Variants in TTC21B observed in about 807,000 individuals in gnomAD.
TTC21B encodes the protein tetratricopeptide repeat domain 21B, also known as tetratricopeptide repeat protein 21B.
Under a neutral mutation model 175.1 loss-of-function variants are expected in TTC21B, and 127 were observed. The observed-to-expected ratio is 0.73, with a 90% confidence interval of 0.63 to 0.84. The LOEUF is 0.84. Ranked by LOEUF, TTC21B falls within the 40% of genes least tolerant of loss-of-function variation. The pLI, the probability that TTC21B is intolerant of heterozygous loss-of-function variation, is 0.00. For missense variants in TTC21B, 1,561 were observed against 1,558.3 expected (o/e 1.00, Z -0.03); for synonymous variants, 524 against 524.5 (o/e 1.00, Z 0.01).
intron 19 of TTC21B, among the ~76,000 whole-genome samples, chr2:165,907,326 T>A (rs1368984944): frequency 6.6e-6 from 1 of 151,422 alleles, no homozygotes; most frequent in Non-Finnish European, 1.5e-5. Context: ...GTGTAAAACC[T>A]CTACACTGAG....
Position 165,901,772 on chromosome 2 carries a change from C to T in TTC21B, c.2707G>A (p.Ala903Thr). Residue 903 changes from alanine to threonine, a missense_variant, in exon 20 of 29, where the codon GCA (alanine) becomes ACA (threonine). Ala to Thr is a moderately conservative substitution (Grantham distance 58, BLOSUM62 0). Coordinates refer to ENST00000243344, the MANE Select transcript of TTC21B (RefSeq NM_024753.5). Reference protein sequence around the residue: ...HSVAQRDYEKAIKFYREALVH... With the variant: ...HSVAQRDYEKTIKFYREALVH... ...AGAGCCTCTCTATAAAACTTAATTG[C>T]TTTTTCATAGTCTCGCTGAGCAACA... 1 of 1,614,128 alleles carries T rather than the reference C, an allele frequency of 6.2e-7. No individual in the cohort carries two copies. Among genetic ancestry groups the T allele is most frequent in the East Asian group, 2.2e-5 (1 of 44,864 alleles).
chr2:165,881,834 C>T (rs975111576), intron 26 of TTC21B, among the ~76,000 whole-genome samples: 4 of 152,046 alleles, frequency 2.6e-5, no homozygotes, highest in African/African-American at 9.7e-5. Context: ...AAAATCACTA[C>T]ATTTAAGACT....
rs1685158973 is a variant in TTC21B at position 165,890,721 on chromosome 2, A to G, written c.3102-81T>C. 21 of 1,548,980 alleles carry G rather than the reference A, an allele frequency of 1.4e-5. No individual in the cohort carries two copies. The South Asian group carries it at 2.4e-4, about 18-fold the overall frequency. ...TTAGTTTATAATCTGTCTGGTAAAT[A>G]AAACTGTTGAATTATTTTGAAATGT... is the stretch of plus-strand genomic sequence containing the variant. On this transcript the variant is annotated intron_variant, in intron 23 of 28. Transcript: ENST00000243344.
At chr2:165,922,655 C>T (rs1342282825) in intron 12 of TTC21B, among the ~76,000 whole-genome samples, 3 of 150,938 alleles carry the variant, frequency 2.0e-5, no homozygotes, top group Admixed American at 6.6e-5. Context: ...TTAGTACAAC[C>T]TCTTTGGAAA....
At chr2:165,946,659 G>A (rs952700718) in intron 3 of TTC21B, among the ~76,000 whole-genome samples, 6 of 151,986 alleles carry the variant, frequency 3.9e-5, no homozygotes, top group African/African-American at 7.3e-5. Context: ...CCAACATGGC[G>A]AAACTCCATC....
At chr2:165,944,061 C>T (rs934410068) in intron 4 of TTC21B, among the ~76,000 whole-genome samples, 56 of 152,032 alleles carry the variant, frequency 3.7e-4, no homozygotes, top group Non-Finnish European at 7.5e-4. Flanking sequence ...TATTTACCTC[C>T]CTGTATTTCA....
intron 11 of TTC21B, among the ~76,000 whole-genome samples, chr2:165,926,732 G>T (rs1686643417): frequency 1.3e-5 from 2 of 151,862 alleles, no homozygotes; most frequent in African/African-American, 4.8e-5. Flanking sequence ...CTAATCAGCT[G>T]CCAGCATGGC....
At chr2:165,920,745 C>CTAAATATTTAAAATATTTTAAAATATTT (rs1686360045) in intron 12 of TTC21B, among the ~76,000 whole-genome samples, 1 of 135,938 alleles carries the variant, frequency 7.4e-6, no homozygotes, top group Non-Finnish European at 1.6e-5. Context: ...GGGTAGGATA[C>CTAAATATTTAAAATATTTTAAAATATTT]TAAATATTTA....
chr2:165,878,192 A>T (rs1269541776), intron 27 of TTC21B, among the ~76,000 whole-genome samples: 1 of 152,236 alleles, frequency 6.6e-6, no homozygotes, highest in Non-Finnish European at 1.5e-5. Context: ...CATTCACTAT[A>T]TTATAATCAC....
chr2:165,947,181 T>TATATACTTGATATATATATACATA lies in TTC21B; in HGVS notation c.263-1492_263-1491insTATGTATATATATATCAAGTATAT, dbSNP rs1333947724. 18 of 112,352 alleles carry TATATACTTGATATATATATACATA rather than the reference T, an allele frequency of 1.6e-4. 2 individuals are homozygous for TATATACTTGATATATATATACATA. Among genetic ancestry groups the TATATACTTGATATATATATACATA allele is most frequent in the Non-Finnish European group, 2.1e-4 (11 of 51,268 alleles). 7.0% of individuals were successfully genotyped at this position (112,352 alleles called of 1,614,324 possible). On this transcript the variant is annotated intron_variant, in intron 3 of 28. Transcript: ENST00000243344. Reference sequence around the variant, plus strand: ...CTCTCCCCTCCCCCATATATATATATATATATATATATTAGTATCTGCTTA... The same window carrying TATATACTTGATATATATATACATA: ...CTCTCCCCTCCCCCATATATATATATATATACTTGATATATATATACATAATATATATATATTAGTATCTGCTTA...
At chr2:165,933,197 G>T in intron 6 of TTC21B, 140 bp from the exon 7 acceptor site, 1 of 642,916 alleles carries the variant, frequency 1.6e-6, no homozygotes, top group Non-Finnish European at 2.7e-6. Flanking sequence ...CATCTGCTTT[G>T]TGAAAATTAT....
Position 165,945,620 on chromosome 2 carries a change from T to C in TTC21B, c.333A>G (p.Leu111=). 1 of 1,613,754 alleles carries C rather than the reference T, an allele frequency of 6.2e-7. No individual in the cohort carries two copies. Among genetic ancestry groups the C allele is most frequent in the Non-Finnish European group, 8.5e-7 (1 of 1,179,864 alleles). The part of the protein sequence containing the change: ...EQRKGAGEKA[L]YHAGLFLWHI... ...GCCATAAAAATAAGCCTGCATGGTATAAGGCTTTCTCTCCAGCTCCTTTAC... is the reference window on the plus strand; with the variant it reads ...GCCATAAAAATAAGCCTGCATGGTACAAGGCTTTCTCTCCAGCTCCTTTAC... The change falls in exon 4 of 29, where the codon TTA becomes TTG. Residue 111 remains leucine, a synonymous_variant. Transcript: ENST00000243344.
At position 165,932,988 on chromosome 2, in the gene TTC21B, C is replaced by G. The variant is rs1235827816; in HGVS notation, c.780G>C (p.Glu260Asp). The change falls in exon 7 of 29, where the codon GAG (glutamate) becomes GAC (aspartate). Residue 260 changes from glutamate to aspartate, a missense_variant. Transcript: ENST00000243344. ...TGCCACTTACCTTCTCTATATCCCC[C>G]TCTCTACACACATAGTAGAGTGCCT... The part of the protein sequence containing the change: ...RMQALYYVCR[E>D]GDIEKASTKL... 1 of 1,613,038 alleles carries G rather than the reference C, an allele frequency of 6.2e-7. No homozygotes were observed. The highest frequency in any genetic ancestry group is 1.7e-5 in the Admixed American group (1 of 59,996).
intron 26 of TTC21B, among the ~76,000 whole-genome samples, chr2:165,882,728 G>A (rs1192875574): frequency 1.3e-5 from 2 of 152,156 alleles, no homozygotes; most frequent in Admixed American, 1.3e-4. Flanking sequence ...AGGGCTGAAT[G>A]AAGCTTCTAA....
In TTC21B at chr2:165,895,386, T is replaced by C. The variant is rs1206798541; in HGVS notation, c.2950+3300A>G. Among the ~76,000 whole-genome samples, 12 of 152,304 alleles carry C rather than the reference T, an allele frequency of 7.9e-5. No homozygotes were observed. In the South Asian group the frequency reaches 1.0e-3, roughly 13 times the overall value. On this transcript the variant is annotated intron_variant, in intron 22 of 28. Coordinates refer to ENST00000243344, the MANE Select transcript of TTC21B (RefSeq NM_024753.5). ...CGTGAAACAAAACCCACAAGACACA[T>C]GAAGACTTCTTCAAATCTTAGAAAA...
At chr2:165,923,642 CCAT>C (rs1686505044) in intron 12 of TTC21B, among the ~76,000 whole-genome samples, 1 of 151,646 alleles carries the variant, frequency 6.6e-6, no homozygotes, top group Non-Finnish European at 1.5e-5. Context: ...CAGGATTTCA[CCAT>C]GTTAGCCAGG....
intron 14 of TTC21B, 116 bp from the exon 15 acceptor site, chr2:165,915,555 C>T (rs941374298): frequency 3.8e-5 from 36 of 936,094 alleles, no homozygotes; most frequent in South Asian, 2.2e-4. Context: ...ATAATATTTA[C>T]GAAATAAATT....
rs374179281 is a variant in TTC21B at position 165,912,541 on chromosome 2, T to C, written c.2295A>G (p.Ala765=). 1.2e-6 allele frequency: 2 copies of C among 1,614,122 alleles called. No homozygotes were observed. Among genetic ancestry groups the C allele is most frequent in the African/African-American group, 1.3e-5 (1 of 75,060 alleles). Residue 765 remains alanine, a synonymous_variant, in exon 17 of 29, where the codon GCA becomes GCG. Transcript: ENST00000243344. ...DGTLASKMGK[A]LIKTHNYSMA... is the part of the protein sequence containing the mutation. ...TTGAGTAGTTATGAGTTTTGATAAGTGCTTTGCCCATTTTGCTTGCCAATG... is the reference window on the plus strand; with the variant it reads ...TTGAGTAGTTATGAGTTTTGATAAGCGCTTTGCCCATTTTGCTTGCCAATG...
intron 23 of TTC21B, 75 bp from the exon 24 acceptor site, chr2:165,890,715 G>A: frequency 6.4e-7 from 1 of 1,552,010 alleles, no homozygotes; most frequent in Non-Finnish European, 8.9e-7. Flanking sequence ...AATCTGTCTG[G>A]TAAATAAAAC....
Sources: allele counts gnomAD v4.1 joint callset (sites outside exome capture counted in the v4.1 genomes callset), GRCh38; gene constraint gnomAD v4.1.1; transcripts MANE v1.5; gene names NCBI Gene and HGNC (gene_info 2026-07-23, HGNC 2026-07-21).